Variants in GLI3 observed in about 807,000 individuals in gnomAD.
The protein encoded by GLI3 is transcription activator GLI3.
In GLI3, 20 loss-of-function variants were observed where a neutral mutation model predicts 100.8. The ratio of observed to expected loss-of-function variants is 0.20; its 90% confidence interval spans 0.14 to 0.29. GLI3 has a LOEUF of 0.29. Among genes scored for constraint, GLI3 ranks in the 10% least tolerant of loss-of-function variants. GLI3 has a pLI of 1.00. For missense variants in GLI3, 2,040 were observed against 2,128.5 expected, an observed-to-expected ratio of 0.96 and a Z score of 0.82; for synonymous variants, 938 against 860.5, an observed-to-expected ratio of 1.09 and a Z score of -1.58.
chr7:42,195,931 T>G (rs914834495), intron 2 of GLI3, among the ~76,000 whole-genome samples: 6 of 152,220 alleles, frequency 3.9e-5, no homozygotes, highest in African/African-American at 1.4e-4. Context: ...CTAACTAGAA[T>G]GCTACAATTA....
chr7:42,172,072 T>C (rs1359615292), intron 2 of GLI3, among the ~76,000 whole-genome samples: 1 of 151,784 alleles, frequency 6.6e-6, no homozygotes, highest in East Asian at 1.9e-4. Flanking sequence ...TATTTCCTTC[T>C]AGTCTTTTCT....
At chr7:42,194,857 CCCAGG>C (rs1787896796) in intron 2 of GLI3, among the ~76,000 whole-genome samples, 2 of 149,998 alleles carry the variant, frequency 1.3e-5, no homozygotes, top group Non-Finnish European at 3.0e-5. Context: ...ACCTCTGTCT[CCCAGG>C]TTCAAGCGAT....
chr7:42,020,475 G>A (rs191460052), intron 10 of GLI3, among the ~76,000 whole-genome samples: 6 of 152,204 alleles, frequency 3.9e-5, no homozygotes, highest in Admixed American at 2.6e-4. Flanking sequence ...ACACTAGATA[G>A]ACAACCATGA....
chr7:41,991,194 C>T lies in GLI3; in HGVS notation c.1498-12446G>A, dbSNP rs149514030. On this transcript the variant is annotated intron_variant, in intron 10 of 14. Coordinates refer to ENST00000395925, the MANE Select transcript of GLI3 (RefSeq NM_000168.6). ...TGTCTAAAAATTAGCCTTCAATGCA[C>T]GGACACATTTGCTTGGCAATTAAAA... Among the ~76,000 whole-genome samples the T allele has an allele frequency of 2.8e-3, 424 of 152,220 alleles. 3 individuals carry two copies. Among genetic ancestry groups the T allele is most frequent in the African/African-American group, 8.8e-3 (365 of 41,516 alleles).
chr7:42,015,957 G>C (rs1270909182), intron 10 of GLI3, among the ~76,000 whole-genome samples: 1 of 152,046 alleles, frequency 6.6e-6, no homozygotes, highest in Non-Finnish European at 1.5e-5. Context: ...GCAGAACTGG[G>C]GGCAATACTG....
intron 2 of GLI3, among the ~76,000 whole-genome samples, chr7:42,197,427 ATCC>A (rs1300899820): frequency 6.6e-6 from 1 of 152,228 alleles, no homozygotes; most frequent in Non-Finnish European, 1.5e-5. Flanking sequence ...TAACTTGGGC[ATCC>A]TCTTCTTATT....
At chr7:42,248,364 T>A (rs1049526194) in intron 1 of GLI3, among the ~76,000 whole-genome samples, 3 of 152,176 alleles carry the variant, frequency 2.0e-5, no homozygotes, top group African/African-American at 7.2e-5. Context: ...CTACCATAAA[T>A]GCAAAGCCAT....
intron 2 of GLI3, among the ~76,000 whole-genome samples, chr7:42,182,660 A>ATATATACACATGTGTG (rs1554337053): frequency 1.7e-5 from 1 of 59,138 alleles, no homozygotes; most frequent in African/African-American, 9.7e-5. Context: ...ATATATATAT[A>ATATATACACATGTGTG]TATATATATA....
At chr7:42,013,444 G>A (rs1302986838) in intron 10 of GLI3, among the ~76,000 whole-genome samples, 1 of 151,700 alleles carries the variant, frequency 6.6e-6, no homozygotes, top group East Asian at 1.9e-4. Context: ...CCAGGCTGGA[G>A]TACAGTGGTG....
chr7:42,258,589 C>T (rs1010487946), intron 1 of GLI3, among the ~76,000 whole-genome samples: 7 of 152,174 alleles, frequency 4.6e-5, no homozygotes, highest in African/African-American at 1.7e-4. Context: ...AATAGCATAG[C>T]CTAAGTGGCT....
chr7:42,109,436 C>T (rs938601300), intron 3 of GLI3, among the ~76,000 whole-genome samples: 1 of 152,158 alleles, frequency 6.6e-6, no homozygotes, highest in African/African-American at 2.4e-5. Flanking sequence ...GATGTTTTGG[C>T]TGATATGCAC....
At position 42,148,809 on chromosome 7, in the gene GLI3, TCC is replaced by T. The variant is rs1028912866; in HGVS notation, c.125-343_125-342del. On this transcript the variant is annotated intron_variant, in intron 2 of 14. Transcript: ENST00000395925. ...CATGGGCTGGCCAACATCTTGCAGG[TCC>T]CACGTGGAACTGAAACCTTTGCCAA... 6.6e-5 allele frequency among the ~76,000 whole-genome samples: 10 copies of T among 152,232 alleles called. No individual in the cohort carries two copies. In the South Asian group the frequency reaches 1.5e-3, roughly 22 times the overall value.
rs935772064 is a variant in GLI3, at chr7:41,966,754, T to C, written c.2432-113A>G. The C allele has an allele frequency of 1.2e-5, 13 of 1,070,658 alleles. No homozygotes were observed. The African/African-American group carries it at 1.5e-4, about 13-fold the overall frequency. 66.3% of individuals were successfully genotyped at this position (1,070,658 alleles called of 1,614,324 possible). On this transcript the variant is annotated intron_variant, in intron 14 of 14. Transcript: ENST00000395925. This position sits in a 1 kb window ranked among gnomAD's most constrained non-coding sequence, Gnocchi z 5.8. ...AGGGCCAGCTAGGAACTATTTCTGG[T>C]GTCCCAGGCCACATTGCCTGCCTCA...
At position 42,085,004 on chromosome 7, in the gene GLI3, C is replaced by T. The variant is rs542181509; in HGVS notation, c.368-8147G>A. 6.9e-5 allele frequency among the ~76,000 whole-genome samples: 10 copies of T among 145,736 alleles called. No individual in the cohort carries two copies. In the East Asian group the frequency reaches 1.2e-3, roughly 18 times the overall value. Reference sequence around the variant, plus strand: ...TCAGCTCACTGCAACCTCCACCTCCCGGGTTCAAGCGATTCTCGTGCCTCA... The same window carrying T: ...TCAGCTCACTGCAACCTCCACCTCCTGGGTTCAAGCGATTCTCGTGCCTCA... On this transcript the variant is annotated intron_variant, in intron 3 of 14. Transcript: ENST00000395925.
intron 2 of GLI3, among the ~76,000 whole-genome samples, chr7:42,207,026 C>T (rs937020814): frequency 1.3e-5 from 2 of 152,096 alleles, no homozygotes; most frequent in Non-Finnish European, 2.9e-5. Context: ...CAAAGAAGGG[C>T]TACAGTGAAA....
Position 42,182,623 on chromosome 7 carries a change from T to G in GLI3, c.125-34155A>C, listed in dbSNP as rs1323842464. 6.5e-5 allele frequency among the ~76,000 whole-genome samples: 9 copies of G among 138,160 alleles called. No homozygotes were observed. In the South Asian group the frequency reaches 2.2e-3, roughly 33 times the overall value. The allele number at this position is 138,160 out of a possible 152,430, so 90.6% of individuals were successfully genotyped here. Reference sequence around the variant, plus strand: ...ATAGTATTAAAAAAACACATTTTTATATGCATATGTATATGTGTGTGTATA... The same window carrying G: ...ATAGTATTAAAAAAACACATTTTTAGATGCATATGTATATGTGTGTGTATA... On this transcript the variant is annotated intron_variant, in intron 2 of 14. Coordinates refer to ENST00000395925, the MANE Select transcript of GLI3 (RefSeq NM_000168.6).
At chr7:42,166,439 C>T in intron 2 of GLI3, among the ~76,000 whole-genome samples, 1 of 152,012 alleles carries the variant, frequency 6.6e-6, no homozygotes, top group South Asian at 2.1e-4. Flanking sequence ...CAAGGGTGGC[C>T]AAAACAACAG....
chr7:42,064,086 G>A (rs749606813), intron 4 of GLI3, among the ~76,000 whole-genome samples: 4 of 152,134 alleles, frequency 2.6e-5, no homozygotes, highest in Non-Finnish European at 4.4e-5. Context: ...TACACAAAGT[G>A]TCACTTGCAG....
At chr7:42,005,092 G>A (rs1490306016) in intron 10 of GLI3, among the ~76,000 whole-genome samples, 1 of 152,072 alleles carries the variant, frequency 6.6e-6, no homozygotes, top group East Asian at 1.9e-4. Flanking sequence ...GAAACTCACA[G>A]AACCAACACA....
Sources: gnomAD v4.1 joint callset for allele counts (sites outside exome capture counted in the v4.1 genomes callset) on GRCh38, gnomAD v4.1.1 for gene constraint, Gnocchi (gnomAD v3.1) non-coding constraint, MANE v1.5 for transcripts, NCBI Gene and HGNC (gene_info 2026-07-23, HGNC 2026-07-21) for gene names.